Variants in SGCZ observed in about 807,000 individuals in gnomAD.
SGCZ encodes the protein sarcoglycan zeta.
A neutral mutation model predicts 41.3 loss-of-function variants in SGCZ; 40 were observed. That is an observed-to-expected ratio of 0.97 (90% CI 0.75 to 1.26). The LOEUF is 1.26. SGCZ is among the 50% of genes most tolerant of loss of function. The pLI, the probability that SGCZ is intolerant of heterozygous loss-of-function variation, is 0.00. For synonymous variants in SGCZ, 206 were observed against 137.5 expected (o/e 1.50, Z -3.49); for missense variants, 552 against 369.8 (o/e 1.49, Z -4.04).
intron 1 of SGCZ, among the ~76,000 whole-genome samples, chr8:14,824,130 G>A (rs1007508151): frequency 3.3e-5 from 5 of 151,986 alleles, no homozygotes; most frequent in African/African-American, 1.2e-4. Flanking sequence ...AAGGTTTTTC[G>A]AGAGAAACAG....
intron 1 of SGCZ, among the ~76,000 whole-genome samples, chr8:15,039,156 G>A (rs1447163683): frequency 3.9e-5 from 6 of 152,024 alleles, no homozygotes; most frequent in South Asian, 2.1e-4. Flanking sequence ...AAATCAGTAA[G>A]TTAAAGAGTT....
chr8:14,385,147 T>C (rs765833121), intron 2 of SGCZ, among the ~76,000 whole-genome samples: 6 of 152,134 alleles, frequency 3.9e-5, no homozygotes, highest in Non-Finnish European at 7.3e-5. Context: ...TTCCTGTAAA[T>C]GCTCTCACGA....
At chr8:14,342,223 T>C (rs1802735406) in intron 2 of SGCZ, among the ~76,000 whole-genome samples, 1 of 152,234 alleles carries the variant, frequency 6.6e-6, no homozygotes, top group East Asian at 1.9e-4. Flanking sequence ...TGTTACGTTT[T>C]AGCAAAGGGA....
rs189357559 is a variant in SGCZ at position 14,383,618 on chromosome 8, A to G, written c.235-59414T>C. ...TCCCAGGAGGTAAAGATCACTTCAC[A>G]CTAACGCATTTCCACTATAATTAAA... On this transcript the variant is annotated intron_variant, in intron 2 of 7. Coordinates refer to ENST00000382080, the MANE Select transcript of SGCZ (RefSeq NM_139167.4). Among the ~76,000 whole-genome samples, 4 of 152,350 alleles carry G rather than the reference A, an allele frequency of 2.6e-5. No homozygotes were observed. In the East Asian group the frequency reaches 7.7e-4, roughly 29 times the overall value.
At chr8:14,464,069 T>A (rs1014428393) in intron 2 of SGCZ, among the ~76,000 whole-genome samples, 1 of 151,680 alleles carries the variant, frequency 6.6e-6, no homozygotes, top group African/African-American at 2.4e-5. Flanking sequence ...GGAATACTTG[T>A]CTCTAGTTTT....
intron 1 of SGCZ, among the ~76,000 whole-genome samples, chr8:14,563,422 A>C (rs930383664): frequency 6.6e-6 from 1 of 152,226 alleles, no homozygotes; most frequent in Middle Eastern, 3.2e-3. Flanking sequence ...AGAAAGAAAA[A>C]AGTCGTTAAG....
At chr8:15,196,625 T>C (rs1468724713) in intron 1 of SGCZ, among the ~76,000 whole-genome samples, 2 of 58,892 alleles carry the variant, frequency 3.4e-5, no homozygotes, top group African/African-American at 8.8e-5. Flanking sequence ...AAATTTCTTT[T>C]ATTTATTTAT....
chr8:15,199,356 T>C (rs1051974624), intron 1 of SGCZ, among the ~76,000 whole-genome samples: 2 of 152,190 alleles, frequency 1.3e-5, no homozygotes, highest in African/African-American at 4.8e-5. Context: ...CCCTCAACCA[T>C]TAAAGTAATT....
At chr8:14,860,743 T>G (rs149150870) in intron 1 of SGCZ, among the ~76,000 whole-genome samples, 11 of 112,640 alleles carry the variant, frequency 9.8e-5, no homozygotes, top group African/African-American at 4.0e-4. Flanking sequence ...AGAAAGTAAG[T>G]AAGTAAGTGA....
rs531266282 is a variant in SGCZ, at chr8:14,927,984, C to T, written c.39+309601G>A. On this transcript the variant is annotated intron_variant, in intron 1 of 7. Coordinates refer to ENST00000382080, the MANE Select transcript of SGCZ (RefSeq NM_139167.4). ...CACTAAGGTTCAGTCAAAGTCATCT[C>T]CTTTTTTCTGGCCTTAGCTCAACTC... 5.1e-4 allele frequency among the ~76,000 whole-genome samples: 78 copies of T among 152,252 alleles called. 1 individual carries two copies. The Middle Eastern group carries it at 0.031, about 60-fold the overall frequency.
At position 14,085,422 on chromosome 8, in the gene SGCZ, G is replaced by T. The variant is rs200069893; in HGVS notation, c.*5021C>A. 4.6e-5 allele frequency among the ~76,000 whole-genome samples: 7 copies of T among 151,386 alleles called. No homozygotes were observed. In the East Asian group the frequency reaches 9.8e-4, roughly 21 times the overall value. On this transcript the variant is annotated 3_prime_UTR_variant, in exon 8 of 8. Coordinates refer to ENST00000382080, the MANE Select transcript of SGCZ (RefSeq NM_139167.4). Reference sequence around the variant, plus strand: ...TCCTTGCCCATCTTTAACCCTGTTTGGTTTTTATTTATAAATACGCAAACA... The same window carrying T: ...TCCTTGCCCATCTTTAACCCTGTTTTGTTTTTATTTATAAATACGCAAACA...
chr8:14,210,319 A>G (rs1805762222), intron 4 of SGCZ, among the ~76,000 whole-genome samples: 1 of 152,104 alleles, frequency 6.6e-6, no homozygotes, highest in Non-Finnish European at 1.5e-5. Flanking sequence ...TCGGCCTCCC[A>G]AAGTGCTGGG....
At chr8:14,876,257 T>C (rs956039248) in intron 1 of SGCZ, among the ~76,000 whole-genome samples, 8 of 151,972 alleles carry the variant, frequency 5.3e-5, no homozygotes, top group African/African-American at 1.9e-4. Flanking sequence ...AAATAACCCA[T>C]GGGTCAAAGA....
intron 1 of SGCZ, among the ~76,000 whole-genome samples, chr8:14,758,346 C>G (rs1291864256): frequency 6.6e-6 from 1 of 152,160 alleles, no homozygotes; most frequent in East Asian, 1.9e-4. Context: ...GCAGATATTC[C>G]TCAATTCAGT....
chr8:14,912,665 T>C lies in SGCZ; in HGVS notation c.39+324920A>G, dbSNP rs1274122288. ...CATAGCAAAACTCTGAAAGTCACCA[T>C]TCACCTGTGAAGGCCAAAATAAAAA... On this transcript the variant is annotated intron_variant, in intron 1 of 7. Transcript: ENST00000382080. Among the ~76,000 whole-genome samples the C allele has an allele frequency of 2.0e-5, 3 of 152,208 alleles. No individual in the cohort carries two copies. In the East Asian group the frequency reaches 5.8e-4, roughly 29 times the overall value.
At chr8:14,091,582 TGAG>T (rs1333311751) in intron 7 of SGCZ, among the ~76,000 whole-genome samples, 1 of 152,184 alleles carries the variant, frequency 6.6e-6, no homozygotes, top group Non-Finnish European at 1.5e-5. Context: ...CCAGTGATGA[TGAG>T]CATTTTTTCA....
chr8:14,509,886 G>A (rs776985797), intron 2 of SGCZ, among the ~76,000 whole-genome samples: 1 of 152,006 alleles, frequency 6.6e-6, no homozygotes, highest in Non-Finnish European at 1.5e-5. Context: ...GAGATTTCAT[G>A]AGAACTCACT....
chr8:14,269,129 G>A (rs1209471765), intron 3 of SGCZ, among the ~76,000 whole-genome samples: 3 of 151,670 alleles, frequency 2.0e-5, no homozygotes, highest in Non-Finnish European at 2.9e-5. Context: ...TTTTTTATTT[G>A]TTTTCATAAA....
chr8:14,892,433 G>C (rs1216615633), intron 1 of SGCZ, among the ~76,000 whole-genome samples: 5 of 152,124 alleles, frequency 3.3e-5, no homozygotes, highest in Admixed American at 3.3e-4. Context: ...CTGTGATAAA[G>C]GAACTCTGTA....
Sources: gnomAD v4.1 joint callset for allele counts (sites outside exome capture counted in the v4.1 genomes callset) on GRCh38, gnomAD v4.1.1 for gene constraint, MANE v1.5 for transcripts, NCBI Gene and HGNC (gene_info 2026-07-23, HGNC 2026-07-21) for gene names.